Variants in SEC24A observed in about 807,000 individuals in gnomAD.
SEC24A encodes the protein SEC24 homolog A, COPII component.
In SEC24A, 93 loss-of-function variants were observed where a neutral mutation model predicts 129.4. That is an observed-to-expected ratio of 0.72 (90% CI 0.61 to 0.85). The LOEUF (loss-of-function observed/expected upper bound fraction) is 0.85. Among genes scored for constraint, SEC24A ranks in the 40% least tolerant of loss-of-function variants. The pLI, the probability that SEC24A is intolerant of heterozygous loss-of-function variation, is 0.00. For missense variants in SEC24A, 1,264 were observed against 1,307.4 expected (o/e 0.97, Z 0.51); for synonymous variants, 460 against 467.3 (o/e 0.98, Z 0.20).
intron 11 of SEC24A, among the ~76,000 whole-genome samples, chr5:134,690,231 G>T (rs956550668): frequency 5.9e-5 from 9 of 152,122 alleles, no homozygotes; most frequent in African/African-American, 2.2e-4. Flanking sequence ...TGTTAGCCAG[G>T]CTGGTCTTGA....
intron 15 of SEC24A, among the ~76,000 whole-genome samples, chr5:134,700,224 T>C (rs550017528): frequency 1.8e-4 from 28 of 152,142 alleles, no homozygotes; most frequent in Admixed American, 1.5e-3. Flanking sequence ...CTTCTCTCTC[T>C]TTTTTCTTTT....
intron 16 of SEC24A, among the ~76,000 whole-genome samples, chr5:134,705,090 A>ATATATATATATATATATATATTTT (rs1180461537): frequency 8.1e-6 from 1 of 123,308 alleles, no homozygotes. Flanking sequence ...ATATATATAT[A>ATATATATATATATATATATATTTT]TTTTTTTTTT....
intron 7 of SEC24A, among the ~76,000 whole-genome samples, chr5:134,678,378 T>C (rs1360205767): frequency 6.6e-6 from 1 of 152,264 alleles, no homozygotes; most frequent in South Asian, 2.1e-4. Flanking sequence ...TTGATTTTTT[T>C]TTCTTTGCCA....
At chr5:134,678,536 C>T (rs1198296530) in intron 7 of SEC24A, among the ~76,000 whole-genome samples, 1 of 151,328 alleles carries the variant, frequency 6.6e-6, no homozygotes, top group Non-Finnish European at 1.5e-5. Flanking sequence ...CTCAAGTGAT[C>T]CTCCTGCTTT....
In SEC24A at chr5:134,675,191, C is replaced by T. The variant is rs1378921866; in HGVS notation, c.1125C>T (p.Asp375=). Residue 375 remains aspartate, a synonymous_variant, in exon 6 of 23, where the codon GAC becomes GAT. Transcript: ENST00000398844. The stretch of plus-strand genomic sequence containing the variant: ...CTCCAGTTCCAAATTTGCATGAAGA[C>T]ATCCAGAAACTCAACTGTAACCCAG... The part of the protein sequence containing the change: ...LKPPVPNLHE[D]IQKLNCNPEL... 1.9e-6 allele frequency: 3 copies of T among 1,612,286 alleles called. No individual in the cohort carries two copies. The highest frequency in any genetic ancestry group is 2.7e-5 in the African/African-American group (2 of 74,910).
chr5:134,698,036 A>G lies in SEC24A; in HGVS notation c.2245A>G (p.Met749Val), dbSNP rs370722648. Residue 749 changes from methionine to valine, a missense_variant, in exon 15 of 23, where the codon ATG becomes GTG. Met to Val is a conservative substitution (Grantham distance 21). Coordinates refer to ENST00000398844, the MANE Select transcript of SEC24A (RefSeq NM_021982.3). ...LTRKIGFEAV[M>V]RIRCTKGLSI... Reference sequence around the variant, plus strand: ...TCGGAAGATTGGCTTTGAGGCAGTCATGAGGATTCGGTGCACCAAAGGTAG... The same window carrying G: ...TCGGAAGATTGGCTTTGAGGCAGTCGTGAGGATTCGGTGCACCAAAGGTAG... The G allele has an allele frequency of 1.9e-6, 3 of 1,611,492 alleles. No individual in the cohort carries two copies. In the African/African-American group the frequency reaches 4.0e-5, roughly 22 times the overall value.
intron 13 of SEC24A, among the ~76,000 whole-genome samples, chr5:134,696,494 T>TA (rs1416040070): frequency 6.6e-6 from 1 of 152,060 alleles, no homozygotes; most frequent in Non-Finnish European, 1.5e-5. Context: ...AGAAAATTTT[T>TA]AAAAAACATA....
rs958730261 is a variant in SEC24A, at chr5:134,725,676, A to G, written c.*582A>G. The G allele has an allele frequency of 4.6e-5, 7 of 152,520 alleles. No homozygotes were observed. The highest frequency in any genetic ancestry group is 1.7e-4 in the African/African-American group (7 of 41,440). The allele number at this position is 152,520 out of a possible 1,614,324, so 9.4% of individuals were successfully genotyped here. ...TCTAGTATAGCTTGAGAAAAATATGAAGAAACACATTCAAGCTTTAAAATC... is the reference window on the plus strand; with the variant it reads ...TCTAGTATAGCTTGAGAAAAATATGGAGAAACACATTCAAGCTTTAAAATC... On this transcript the variant is annotated 3_prime_UTR_variant, in exon 23 of 23. Coordinates refer to ENST00000398844, the MANE Select transcript of SEC24A (RefSeq NM_021982.3).
At chr5:134,695,173 C>T (rs1489114968) in intron 13 of SEC24A, among the ~76,000 whole-genome samples, 1 of 151,918 alleles carries the variant, frequency 6.6e-6, no homozygotes, top group African/African-American at 2.4e-5. Context: ...AGTTTGAGAC[C>T]AATCTGGGCA....
rs1202390891 is a variant in SEC24A at position 134,726,155 on chromosome 5, A to C, written c.*1061A>C. The C allele has an allele frequency of 6.6e-6, 1 of 152,578 alleles. No homozygotes were observed. The highest frequency in any genetic ancestry group is 2.4e-5 in the African/African-American group (1 of 41,472). The allele number at this position is 152,578 out of a possible 1,614,324, so 9.5% of individuals were successfully genotyped here. On this transcript the variant is annotated 3_prime_UTR_variant, in exon 23 of 23. Coordinates refer to ENST00000398844, the MANE Select transcript of SEC24A (RefSeq NM_021982.3). ...AAGATTATACACATCCAACATATTA[A>C]AGTTATGAAAGAAACTTGACTTCTG...
chr5:134,650,025 A>G (rs1344618005), intron 1 of SEC24A, among the ~76,000 whole-genome samples: 2 of 152,216 alleles, frequency 1.3e-5, no homozygotes, highest in African/African-American at 4.8e-5. Flanking sequence ...TAAAGAACTT[A>G]AGTTGCCCAT....
In SEC24A at chr5:134,727,895, A is replaced by C. The variant is rs1364851578; in HGVS notation, c.*2801A>C. On this transcript the variant is annotated 3_prime_UTR_variant, in exon 23 of 23. Transcript: ENST00000398844. ...TCAACTTGGCTATTCAATAAAGTTA[A>C]TTGAAAAGAGCTTATATATAGTGAC... The C allele has an allele frequency of 1.3e-5, 2 of 152,574 alleles. No homozygotes were observed. Among genetic ancestry groups the C allele is most frequent in the African/African-American group, 2.4e-5 (1 of 41,456 alleles). 9.5% of individuals were successfully genotyped at this position (152,574 alleles called of 1,614,324 possible). A position where few individuals can be genotyped will look rare whatever the true frequency, so the allele number is the denominator to read the frequency against.
At chr5:134,692,953 G>A (rs1364382496) in intron 12 of SEC24A, 1 of 1,202,164 alleles carries the variant, frequency 8.3e-7, no homozygotes, top group Non-Finnish European at 1.2e-6. Flanking sequence ...GAGGGTTGCT[G>A]AGATAAAGCT....
intron 13 of SEC24A, among the ~76,000 whole-genome samples, chr5:134,694,139 A>G (rs1308978479): frequency 6.6e-6 from 1 of 152,176 alleles, no homozygotes; most frequent in African/African-American, 2.4e-5. Flanking sequence ...TTAGCAGGCC[A>G]CTAGCAATTC....
Position 134,725,158 on chromosome 5 carries a change from T to C in SEC24A, c.*64T>C. 1.3e-6 allele frequency: 1 copy of C among 781,392 alleles called. No homozygotes were observed. The highest frequency in any genetic ancestry group is 2.2e-6 in the Non-Finnish European group (1 of 456,828). 48.4% of individuals were successfully genotyped at this position (781,392 alleles called of 1,614,324 possible). On this transcript the variant is annotated 3_prime_UTR_variant, in exon 23 of 23. Transcript: ENST00000398844. ...CGATAGTGCAGAATACCTGGAAATG[T>C]GTAATACCTTCTTTTTCTATTATGT...
In SEC24A at chr5:134,666,929, C is replaced by G. The variant is rs756556397; in HGVS notation, c.672C>G (p.Leu224=). The G allele has an allele frequency of 1.2e-6, 2 of 1,613,854 alleles. No individual in the cohort carries two copies. Among genetic ancestry groups the G allele is most frequent in the Admixed American group, 3.3e-5 (2 of 59,964 alleles). ...GAGGCCCACCCCCAGTGAGGGCCCT[C>G]ACGCCCCTGACATCATCATATAGAG... The part of the protein sequence containing the change: ...PAGGPPPVRA[L]TPLTSSYRDV... Residue 224 remains leucine, a synonymous_variant, in exon 3 of 23, where the codon CTC becomes CTG. Coordinates refer to ENST00000398844, the MANE Select transcript of SEC24A (RefSeq NM_021982.3).
At position 134,653,837 on chromosome 5, in the gene SEC24A, G is replaced by A. The variant is rs373784486; in HGVS notation, c.97+4664G>A. Among the ~76,000 whole-genome samples, 239 of 151,242 alleles carry A rather than the reference G, an allele frequency of 1.6e-3. 1 individual carries two copies. The highest frequency in any genetic ancestry group is 5.5e-3 in the African/African-American group (227 of 41,188). On this transcript the variant is annotated intron_variant, in intron 1 of 22. Transcript: ENST00000398844. ...AATTGCACAACTGCACTACAACCTG[G>A]GTGACATGGCAGTATCTTGTCTCAA... is the stretch of plus-strand genomic sequence containing the variant.
chr5:134,723,591 C>A lies in SEC24A; in HGVS notation c.3088C>A (p.Pro1030Thr), dbSNP rs1667061074. Residue 1030 changes from proline (P) to threonine (T), a missense_variant, in exon 22 of 23, where the codon CCA becomes ACA. Pro to Thr is a conservative substitution (Grantham distance 38). Coordinates refer to ENST00000398844, the MANE Select transcript of SEC24A (RefSeq NM_021982.3). Reference protein sequence around the residue: ...PMTDLPELDTPESARIIAFIS... With the variant: ...PMTDLPELDTTESARIIAFIS... ...GACAGACCTTCCAGAACTTGATACA[C>A]CAGAATCTGCCAGAATAATAGCTTT... 6.2e-7 allele frequency: 1 copy of A among 1,612,666 alleles called. No homozygotes were observed. The highest frequency in any genetic ancestry group is 1.3e-5 in the African/African-American group (1 of 75,012).
At chr5:134,661,797 G>GT (rs796426791) in intron 2 of SEC24A, among the ~76,000 whole-genome samples, 47 of 140,296 alleles carry the variant, frequency 3.4e-4, no homozygotes, top group African/African-American at 6.2e-4. Flanking sequence ...CTCATTAGTA[G>GT]TTTTTTTTTT....
Sources: gnomAD v4.1 joint callset for allele counts (sites outside exome capture counted in the v4.1 genomes callset) on GRCh38, gnomAD v4.1.1 for gene constraint, MANE v1.5 for transcripts, NCBI Gene and HGNC (gene_info 2026-07-23, HGNC 2026-07-21) for gene names.